RPS6KA1: variants seen among roughly 807,000 people sequenced by gnomAD.
RPS6KA1 encodes ribosomal protein S6 kinase alpha-1.
Under a neutral mutation model 91.3 loss-of-function variants are expected in RPS6KA1, and 48 were observed. The ratio of observed to expected loss-of-function variants is 0.53; its 90% CI spans 0.42 to 0.67. The LOEUF is 0.67. Ranked by LOEUF, RPS6KA1 falls within the 30% of genes least tolerant of loss-of-function variation. RPS6KA1 has a pLI of 0.00. For synonymous variants in RPS6KA1, 359 were observed against 384.7 expected, an observed-to-expected ratio of 0.93 and a Z score of 0.78; for missense variants, 719 against 960.5, an observed-to-expected ratio of 0.75 and a Z score of 3.32.
chr1:26,573,155 T>C, intron 20 of RPS6KA1, 69 bp from the exon 21 acceptor site: 1 of 1,530,822 alleles, frequency 6.5e-7, no homozygotes, highest in Non-Finnish European at 8.9e-7. Flanking sequence ...ATGGTTGCCC[T>C]CCTGTGCCCC....
chr1:26,554,881 C>A lies in RPS6KA1; in HGVS notation c.756+143C>A. On this transcript the variant is annotated intron_variant, in intron 9 of 21. Transcript: ENST00000374168. This position sits in a 1 kb window ranked among gnomAD's most constrained non-coding sequence, Gnocchi z 4.6. The stretch of plus-strand genomic sequence containing the variant: ...GCTGGCCTCACCCTATATGCACCTG[C>A]AGTTTTCTTCCTTGGAAGGATCCCA... The A allele has an allele frequency of 2.6e-6, 3 of 1,169,490 alleles. No homozygotes were observed. The highest frequency in any genetic ancestry group is 1.2e-6 in the Non-Finnish European group (1 of 828,944). The allele number at this position is 1,169,490 out of a possible 1,614,324, so 72.4% of individuals were successfully genotyped here. A position where few individuals can be genotyped will look rare whatever the true frequency, so the allele number is the denominator to read the frequency against.
chr1:26,551,814 G>T lies in RPS6KA1; in HGVS notation c.468+91G>T. On this transcript the variant is annotated intron_variant, in intron 6 of 21. Coordinates refer to ENST00000374168, the MANE Select transcript of RPS6KA1 (RefSeq NM_002953.4). The surrounding 1 kb of genome is among the most constrained non-coding windows in gnomAD (Gnocchi z 4.5). ...CAGGGCCCTGTACAGAATGTGTTTG[G>T]TATGGCTTGAACCTGGAACCACCCA... 1.7e-6 allele frequency: 2 copies of T among 1,210,388 alleles called. No homozygotes were observed. The highest frequency in any genetic ancestry group is 2.4e-6 in the Non-Finnish European group (2 of 822,608). The allele number at this position is 1,210,388 out of a possible 1,614,324, so 75.0% of individuals were successfully genotyped here.
chr1:26,541,761 C>T (rs1049115498), intron 2 of RPS6KA1, among the ~76,000 whole-genome samples: 6 of 152,168 alleles, frequency 3.9e-5, no homozygotes, highest in South Asian at 4.1e-4. Flanking sequence ...GAGGGGGTAG[C>T]GCCTGGAAGG....
At chr1:26,533,943 GCTGC>G (rs2075887641) in intron 1 of RPS6KA1, among the ~76,000 whole-genome samples, 1 of 152,076 alleles carries the variant, frequency 6.6e-6, no homozygotes, top group Non-Finnish European at 1.5e-5. Flanking sequence ...GTTCTCCAGG[GCTGC>G]CTGTTCCCTT....
At position 26,573,220 on chromosome 1, in the gene RPS6KA1, C is replaced by T; in HGVS notation, c.1948-4C>T. The T allele has an allele frequency of 6.2e-7, 1 of 1,613,894 alleles. No individual in the cohort carries two copies. Among genetic ancestry groups the T allele is most frequent in the African/African-American group, 1.3e-5 (1 of 75,056 alleles). ...CCCAACCCCCTTGCCCACTGTGTCC[C>T]CAGGACCTGGTGTCCAAGATGCTAC... On this transcript the variant is annotated splice_region_variant and splice_polypyrimidine_tract_variant and intron_variant, in intron 20 of 21. Coordinates refer to ENST00000374168, the MANE Select transcript of RPS6KA1 (RefSeq NM_002953.4).
Position 26,558,229 on chromosome 1 carries a change from G to A in RPS6KA1, c.1085-578G>A, listed in dbSNP as rs1347375945. Among the ~76,000 whole-genome samples the A allele has an allele frequency of 1.3e-5, 2 of 152,162 alleles. No homozygotes were observed. Among genetic ancestry groups the A allele is most frequent in the Non-Finnish European group, 2.9e-5 (2 of 68,046 alleles). Reference sequence around the variant, plus strand: ...AGGCTTCTCAGAGGAGGGAGCGTGCGAGTTGAGTCTTGAAGGATAGGCAAG... The same window carrying A: ...AGGCTTCTCAGAGGAGGGAGCGTGCAAGTTGAGTCTTGAAGGATAGGCAAG... On this transcript the variant is annotated intron_variant, in intron 13 of 21. Coordinates refer to ENST00000374168, the MANE Select transcript of RPS6KA1 (RefSeq NM_002953.4). This position sits in a 1 kb window ranked among gnomAD's most constrained non-coding sequence, Gnocchi z 4.0.
At chr1:26,541,272 A>AT (rs1208470913) in intron 2 of RPS6KA1, among the ~76,000 whole-genome samples, 13 of 144,610 alleles carry the variant, frequency 9.0e-5, no homozygotes, top group African/African-American at 3.1e-4. Flanking sequence ...AAAAAAAAAA[A>AT]TGCCGGACAC....
intron 6 of RPS6KA1, among the ~76,000 whole-genome samples, chr1:26,552,153 G>T (rs1274586949): frequency 6.6e-6 from 1 of 152,184 alleles, no homozygotes; most frequent in Non-Finnish European, 1.5e-5. Context: ...ACTTTGGGAG[G>T]CCGAGGTGGG....
chr1:26,563,170 C>G (rs72879015), intron 17 of RPS6KA1, among the ~76,000 whole-genome samples: 2,797 of 151,350 alleles, frequency 0.018, 19 homozygotes, highest in African/African-American at 0.065. Flanking sequence ...TCTTTTTTGA[C>G]TGGTTTATTG....
intron 17 of RPS6KA1, among the ~76,000 whole-genome samples, chr1:26,565,510 A>C (rs886066242): frequency 6.6e-6 from 1 of 151,602 alleles, no homozygotes; most frequent in Non-Finnish European, 1.5e-5. Flanking sequence ...GCTAAATTCT[A>C]GTAGGTTTAT....
intron 2 of RPS6KA1, among the ~76,000 whole-genome samples, chr1:26,545,172 C>CTTT (rs765400329): frequency 1.4e-5 from 2 of 145,114 alleles, no homozygotes. Context: ...CTTTCTTTTT[C>CTTT]TTTTTCTTTT....
At chr1:26,544,557 C>T (rs2075975598) in intron 2 of RPS6KA1, among the ~76,000 whole-genome samples, 1 of 151,844 alleles carries the variant, frequency 6.6e-6, no homozygotes, top group Non-Finnish European at 1.5e-5. Context: ...TCACTGCAGC[C>T]TCCCCCTCCC....
chr1:26,568,929 C>T (rs1371601910), intron 17 of RPS6KA1, among the ~76,000 whole-genome samples: 1 of 152,112 alleles, frequency 6.6e-6, no homozygotes, highest in Non-Finnish European at 1.5e-5. Flanking sequence ...GGCGTAGTGG[C>T]TCACACCTGT....
Position 26,574,592 on chromosome 1 carries a change from A to C in RPS6KA1, c.*391A>C, listed in dbSNP as rs778329666. 4 of 397,716 alleles carry C rather than the reference A, an allele frequency of 1.0e-5. No individual in the cohort carries two copies. Among genetic ancestry groups the C allele is most frequent in the Non-Finnish European group, 2.0e-5 (4 of 201,432 alleles). 24.6% of individuals were successfully genotyped at this position (397,716 alleles called of 1,614,324 possible). A position where few individuals can be genotyped will look rare whatever the true frequency, so the allele number is the denominator to read the frequency against. ...GCAGCTTTGGGATCCCACCCTGGGG[A>C]CCCCCACGATTGGCCACCTGTAGCC... On this transcript the variant is annotated 3_prime_UTR_variant, in exon 22 of 22. Transcript: ENST00000374168. The surrounding 1 kb of genome is among the most constrained non-coding windows in gnomAD (Gnocchi z 4.3).
In RPS6KA1 at chr1:26,547,184, C is replaced by T; in HGVS notation, c.226-5C>T. On this transcript the variant is annotated splice_region_variant and splice_polypyrimidine_tract_variant and intron_variant, in intron 3 of 21. Transcript: ENST00000374168. The surrounding 1 kb of genome is among the most constrained non-coding windows in gnomAD (Gnocchi z 4.1). Reference sequence around the variant, plus strand: ...TCTGCCCTGCTTCCTGCTCTGCCTTCTCAGGTCTTCCTGGTGCGGAAAGTC... The same window carrying T: ...TCTGCCCTGCTTCCTGCTCTGCCTTTTCAGGTCTTCCTGGTGCGGAAAGTC... The T allele has an allele frequency of 6.2e-7, 1 of 1,614,028 alleles. No individual in the cohort carries two copies. The highest frequency in any genetic ancestry group is 8.5e-7 in the Non-Finnish European group (1 of 1,179,986).
At chr1:26,548,022 G>T (rs956483304) in intron 4 of RPS6KA1, among the ~76,000 whole-genome samples, 4 of 152,174 alleles carry the variant, frequency 2.6e-5, no homozygotes, top group African/African-American at 9.7e-5. Context: ...AAAGAAATGA[G>T]CTGGGTGTGG....
At chr1:26,569,122 C>T (rs369142647) in intron 17 of RPS6KA1, among the ~76,000 whole-genome samples, 1 of 150,728 alleles carries the variant, frequency 6.6e-6, no homozygotes, top group Non-Finnish European at 1.5e-5. Context: ...ACCTGGGAGA[C>T]GGAGGTTGCA....
rs1355505330 is a variant in RPS6KA1, at chr1:26,573,315, A to G, written c.2039A>G (p.Lys680Arg). The G allele has an allele frequency of 6.2e-7, 1 of 1,614,196 alleles. No homozygotes were observed. The highest frequency in any genetic ancestry group is 1.1e-5 in the South Asian group (1 of 91,086). ...CATCCATGGGTCACCCAGAAAGACA[A>G]GCTTCCCCAAAGCCAGCTGTCCCAC... ...LQHPWVTQKD[K>R]LPQSQLSHQD... The change falls in exon 21 of 22, where the codon AAG (lysine) becomes AGG (arginine). Residue 680 changes from lysine (K) to arginine (R), a missense_variant. By Grantham distance (26) the Lys-to-Arg change is conservative. Transcript: ENST00000374168.
At chr1:26,531,959 C>G (rs1307590285) in intron 1 of RPS6KA1, among the ~76,000 whole-genome samples, 1 of 152,158 alleles carries the variant, frequency 6.6e-6, no homozygotes, top group Non-Finnish European at 1.5e-5. Context: ...TGTTCTTAGC[C>G]CAGGTGACAT....
Sources: allele counts gnomAD v4.1 joint callset (sites outside exome capture counted in the v4.1 genomes callset), GRCh38; gene constraint gnomAD v4.1.1; non-coding constraint Gnocchi (gnomAD v3.1); transcripts MANE v1.5; gene names NCBI Gene and HGNC (gene_info 2026-07-23, HGNC 2026-07-21).